FMO3: variants seen among roughly 807,000 people sequenced by gnomAD.
The protein encoded by FMO3 is flavin containing dimethylaniline monoxygenase 3.
A neutral mutation model predicts 39.4 loss-of-function variants in FMO3; 40 were observed. That is an observed-to-expected ratio of 1.02 (90% CI 0.79 to 1.32). The LOEUF (loss-of-function observed/expected upper bound fraction) is 1.32. FMO3 is among the 40% of genes most tolerant of loss of function. FMO3 has a pLI of 0.00. For synonymous variants in FMO3, 219 were observed against 228.8 expected (o/e 0.96, Z 0.39); for missense variants, 680 against 651.8 (o/e 1.04, Z -0.47).
At chr1:171,115,836 C>T (rs1034956458) in intron 7 of FMO3, among the ~76,000 whole-genome samples, 5 of 152,134 alleles carry the variant, frequency 3.3e-5, no homozygotes, top group Admixed American at 2.0e-4. Context: ...TCTGGAAATT[C>T]CATTTTCTGG....
chr1:171,093,327 C>T (rs939997642), intron 2 of FMO3, among the ~76,000 whole-genome samples: 37 of 152,092 alleles, frequency 2.4e-4, no homozygotes, highest in South Asian at 8.3e-4. Context: ...CATTCTATGT[C>T]AATGTGTATA....
chr1:171,112,898 C>T (rs905293419), intron 6 of FMO3, among the ~76,000 whole-genome samples: 5 of 152,042 alleles, frequency 3.3e-5, no homozygotes, highest in Admixed American at 3.3e-4. Context: ...CTGTGGGAGA[C>T]AGAAAAAGAA....
chr1:171,101,230 CCTA>C (rs1296613339), intron 2 of FMO3: 2 of 456,182 alleles, frequency 4.4e-6, no homozygotes, highest in Admixed American at 4.7e-5. Context: ...TCGTTTTCAG[CCTA>C]CTGATAGTGA....
chr1:171,110,725 G>C, intron 5 of FMO3, 73 bp from the exon 6 acceptor site: 2 of 1,339,234 alleles, frequency 1.5e-6, no homozygotes, highest in Non-Finnish European at 2.2e-6. Context: ...TCCTCAAGAG[G>C]GATCTGGGGT....
chr1:171,110,956 A>G lies in FMO3; in HGVS notation c.786A>G (p.Ala262=), dbSNP rs1260544841. The part of the protein sequence containing the change: ...SDWLYVKQMN[A]RFKHENYGLM... The stretch of plus-strand genomic sequence containing the variant: ...GGTTGTACGTGAAGCAGATGAATGC[A>G]AGATTCAAGCATGAAAACTATGGCT... Residue 262 remains alanine, a synonymous_variant, in exon 6 of 9, where the codon GCA becomes GCG. Transcript: ENST00000367755. 1.2e-6 allele frequency: 2 copies of G among 1,613,996 alleles called. No homozygotes were observed. The highest frequency in any genetic ancestry group is 1.1e-5 in the South Asian group (1 of 91,088).
intron 8 of FMO3, 36 bp downstream of exon 8, chr1:171,116,316 C>T (rs1193329353): frequency 8.7e-7 from 1 of 1,146,406 alleles, no homozygotes; most frequent in Admixed American, 1.8e-5. Flanking sequence ...TGTAGGATTT[C>T]CATAGAAAAG....
chr1:171,109,838 G>A (rs1557943331), intron 5 of FMO3, among the ~76,000 whole-genome samples: 2 of 151,902 alleles, frequency 1.3e-5, no homozygotes, highest in East Asian at 1.9e-4. Flanking sequence ...CACCATGCCC[G>A]GACTCCTTTA....
At chr1:171,096,009 A>AT (rs1302481890) in intron 2 of FMO3, among the ~76,000 whole-genome samples, 1 of 60,688 alleles carries the variant, frequency 1.6e-5, no homozygotes, top group African/African-American at 8.3e-5. Flanking sequence ...ATATATTAAT[A>AT]TACATATTAT....
chr1:171,109,834 G>T (rs1655825340), intron 5 of FMO3, among the ~76,000 whole-genome samples: 1 of 152,008 alleles, frequency 6.6e-6, no homozygotes, highest in African/African-American at 2.4e-5. Context: ...GAGCCACCAT[G>T]CCCGGACTCC....
rs1277000023 is a variant in FMO3 at position 171,113,862 on chromosome 1, G to T, written c.828-145G>T. Reference sequence around the variant, plus strand: ...CCCAATGTTGCCTCCCATCAATTTTGTTCTTCAGCCATATTGGAGATACTC... The same window carrying T: ...CCCAATGTTGCCTCCCATCAATTTTTTTCTTCAGCCATATTGGAGATACTC... On this transcript the variant is annotated intron_variant, in intron 6 of 8. Coordinates refer to ENST00000367755, the MANE Select transcript of FMO3 (RefSeq NM_001002294.3). The T allele has an allele frequency of 9.0e-6, 5 of 558,636 alleles. No individual in the cohort carries two copies. The South Asian group carries it at 1.1e-4, about 12-fold the overall frequency. The allele number at this position is 558,636 out of a possible 1,614,324, so 34.6% of individuals were successfully genotyped here. A position where few individuals can be genotyped will look rare whatever the true frequency, so the allele number is the denominator to read the frequency against.
chr1:171,097,104 T>C lies in FMO3; in HGVS notation c.132+4314T>C, dbSNP rs1261911784. Reference sequence around the variant, plus strand: ...TGGTTTCCAGCTTCATCCATGTCCCTACAAAGGACATGAACTCATCATTTT... The same window carrying C: ...TGGTTTCCAGCTTCATCCATGTCCCCACAAAGGACATGAACTCATCATTTT... On this transcript the variant is annotated intron_variant, in intron 2 of 8. Transcript: ENST00000367755. Among the ~76,000 whole-genome samples, 7 of 150,274 alleles carry C rather than the reference T, an allele frequency of 4.7e-5. 1 individual carries two copies. The highest frequency in any genetic ancestry group is 8.9e-5 in the Non-Finnish European group (6 of 67,746).
rs563433707 is a variant in FMO3, at chr1:171,102,703, T to C, written c.133-1082T>C. Among the ~76,000 whole-genome samples, 6 of 152,304 alleles carry C rather than the reference T, an allele frequency of 3.9e-5. No homozygotes were observed. In the South Asian group the frequency reaches 6.2e-4, roughly 16 times the overall value. ...GTGTTTTTTAAAGCTCCCAGTTTAT[T>C]TCAGTGTGTGGCTAAAGAACCACAA... is the stretch of plus-strand genomic sequence containing the variant. On this transcript the variant is annotated intron_variant, in intron 2 of 8. Transcript: ENST00000367755.
At chr1:171,105,131 T>C (rs1655583898) in intron 3 of FMO3, among the ~76,000 whole-genome samples, 1 of 152,216 alleles carries the variant, frequency 6.6e-6, no homozygotes, top group South Asian at 2.1e-4. Flanking sequence ...TGATGATTTA[T>C]AGTTCTTTTG....
At chr1:171,107,559 AT>A (rs1655699092) in intron 3 of FMO3, 115 bp from the exon 4 acceptor site, 3 of 757,916 alleles carry the variant, frequency 4.0e-6, no homozygotes, top group Non-Finnish European at 6.8e-6. Context: ...TAAATTTGTA[AT>A]ATGTATCTTA....
Position 171,114,033 on chromosome 1 carries a change from A to T in FMO3, c.854A>T (p.Asn285Ile), listed in dbSNP as rs747602537. ...GTCCTGAGGAAAGAGCCTGTATTTA[A>T]CGATGAGCTCCCAGCAAGCATTCTG... is the stretch of plus-strand genomic sequence containing the variant. Reference protein sequence around the residue: ...NGVLRKEPVFNDELPASILCG... With the variant: ...NGVLRKEPVFIDELPASILCG... The change falls in exon 7 of 9, where the codon AAC becomes ATC. Residue 285 changes from asparagine (N) to isoleucine (I), a missense_variant. Coordinates refer to ENST00000367755, the MANE Select transcript of FMO3 (RefSeq NM_001002294.3). 2 of 1,611,864 alleles carry T rather than the reference A, an allele frequency of 1.2e-6. No individual in the cohort carries two copies. The highest frequency in any genetic ancestry group is 1.1e-5 in the South Asian group (1 of 90,832).
At chr1:171,115,283 G>T (rs28363587) in intron 7 of FMO3, among the ~76,000 whole-genome samples, 114 of 152,278 alleles carry the variant, frequency 7.5e-4, no homozygotes, top group African/African-American at 2.6e-3. Context: ...AGGGAAATGA[G>T]ACACAAGGCA....
At chr1:171,105,814 G>T (rs983303652) in intron 3 of FMO3, among the ~76,000 whole-genome samples, 1 of 151,928 alleles carries the variant, frequency 6.6e-6, no homozygotes, top group African/African-American at 2.4e-5. Context: ...ACCTATTTAT[G>T]CATGAAAGAT....
rs1218082611 is a variant in FMO3, at chr1:171,117,456, T to C, written c.*14T>C. 7 of 1,607,038 alleles carry C rather than the reference T, an allele frequency of 4.4e-6. No individual in the cohort carries two copies. The African/African-American group carries it at 6.7e-5, about 15-fold the overall frequency. On this transcript the variant is annotated 3_prime_UTR_variant, in exon 9 of 9. Transcript: ENST00000367755. Reference sequence around the variant, plus strand: ...GTGTTGACCTAATCATCATTTTCTCTAGGATTTCTGAAAGTTACTGACAAT... The same window carrying C: ...GTGTTGACCTAATCATCATTTTCTCCAGGATTTCTGAAAGTTACTGACAAT...
chr1:171,093,653 T>C (rs1654816451), intron 2 of FMO3, among the ~76,000 whole-genome samples: 1 of 151,910 alleles, frequency 6.6e-6, no homozygotes, highest in Admixed American at 6.6e-5. Flanking sequence ...AACATATGGG[T>C]GCAGGAATTT....
Sources: gnomAD v4.1 joint callset for allele counts (sites outside exome capture counted in the v4.1 genomes callset) on GRCh38, gnomAD v4.1.1 for gene constraint, MANE v1.5 for transcripts, NCBI Gene and HGNC (gene_info 2026-07-23, HGNC 2026-07-21) for gene names.